The following PIEZO1 variants were observed in gnomAD, a reference collection of about 807,000 sequenced individuals.
PIEZO1 encodes the protein piezo type mechanosensitive ion channel component 1 (Er blood group), also known as piezo-type mechanosensitive ion channel component 1.
In PIEZO1, 296 loss-of-function variants were observed where a neutral mutation model predicts 297.2. The ratio of observed to expected loss-of-function variants is 1.00; its 90% CI spans 0.91 to 1.10. The LOEUF (loss-of-function observed/expected upper bound fraction) is 1.10, where lower values mean the gene tolerates loss of function less well. Among genes scored for constraint, PIEZO1 ranks in the 50% least tolerant of loss-of-function variants. The pLI, the probability that PIEZO1 is intolerant of heterozygous loss-of-function variation, is 0.00. For missense variants in PIEZO1, 5,018 were observed against 3,455.5 expected, an observed-to-expected ratio of 1.45 and a Z score of -11.34; for synonymous variants, 2,427 against 1,507.5, an observed-to-expected ratio of 1.61 and a Z score of -14.13.
chr16:88,756,893 G>A (rs1483210741), intron 1 of PIEZO1, among the ~76,000 whole-genome samples: 5 of 152,022 alleles, frequency 3.3e-5, no homozygotes, highest in Non-Finnish European at 7.4e-5. Context: ...TGGCCAACAT[G>A]GTGAAACCCT....
chr16:88,723,103 G>A lies in PIEZO1; in HGVS notation c.4487C>T (p.Ala1496Val), dbSNP rs371018701. The A allele has an allele frequency of 7.8e-6, 12 of 1,548,096 alleles. No homozygotes were observed. The Admixed American group carries it at 7.8e-5, about 10-fold the overall frequency. The change falls in exon 33 of 51, where the codon GCA becomes GTA. Residue 1496 changes from alanine (A) to valine (V), a missense_variant. Coordinates refer to ENST00000301015, the MANE Select transcript of PIEZO1 (RefSeq NM_001142864.4). ...GCCCCGGGCCCACGTACCTGCCGCTGCCTCCTCGGGGCCCTCTGCTGGCTC... is the reference window on the plus strand; with the variant it reads ...GCCCCGGGCCCACGTACCTGCCGCTACCTCCTCGGGGCCCTCTGCTGGCTC... ...EVEPAEGPEE[A>V]AAGRSHVVQR...
At chr16:88,732,036 CAG>C in intron 21 of PIEZO1, 126 bp from the exon 22 acceptor site, 1 of 71,004 alleles carries the variant, frequency 1.4e-5, no homozygotes, top group Non-Finnish European at 2.6e-5. Context: ...CAAGCAAGGA[CAG>C]GGCCAGCGGC....
intron 49 of PIEZO1, 38 bp from the exon 50 acceptor site, chr16:88,716,157 A>C: frequency 6.6e-7 from 1 of 1,521,788 alleles, no homozygotes; most frequent in Non-Finnish European, 8.9e-7. Context: ...GCCGCAGGTC[A>C]CCCCTCTCTA....
chr16:88,736,235 A>C lies in PIEZO1; in HGVS notation c.1470T>G (p.Pro490=). ...CGGGGCCCAGGGTGGTGGGCAGCTC[A>C]GGGCGCAGGTCCATGGCCCACACGT... ...LRYVWAMDLR[P]ELPTTLGPVS... Residue 490 remains proline (P), a synonymous_variant, in exon 12 of 51, where the codon CCT becomes CCG. Transcript: ENST00000301015. 1 of 1,550,014 alleles carries C rather than the reference A, an allele frequency of 6.5e-7. No homozygotes were observed. The highest frequency in any genetic ancestry group is 2.4e-5 in the East Asian group (1 of 40,916).
At chr16:88,728,243 C>T (rs1904594354) in intron 22 of PIEZO1, among the ~76,000 whole-genome samples, 1 of 152,382 alleles carries the variant, frequency 6.6e-6, no homozygotes, top group African/African-American at 2.4e-5. Flanking sequence ...GGAGCCGTGG[C>T]ACTGCCGGCC....
intron 1 of PIEZO1, among the ~76,000 whole-genome samples, chr16:88,759,431 T>G (rs1476165903): frequency 1.3e-5 from 2 of 152,030 alleles, no homozygotes; most frequent in Non-Finnish European, 2.9e-5. Flanking sequence ...CCAGCTGCCC[T>G]CCCCCTGGCC....
intron 45 of PIEZO1, 58 bp from the exon 46 acceptor site, chr16:88,716,956 G>T (rs552817792): frequency 6.5e-7 from 1 of 1,545,524 alleles, no homozygotes; most frequent in East Asian, 2.4e-5. Context: ...GCGGCTGGGG[G>T]TGGTGCACCA....
intron 2 of PIEZO1, among the ~76,000 whole-genome samples, chr16:88,747,160 G>C (rs1906103931): frequency 6.6e-6 from 1 of 152,136 alleles, no homozygotes; most frequent in African/African-American, 2.4e-5. Context: ...GAGCCCAGGA[G>C]GTGGAGGCTG....
At position 88,763,293 on chromosome 16, in the gene PIEZO1, G is replaced by A. The variant is rs142097675; in HGVS notation, c.65-13814C>T. On this transcript the variant is annotated intron_variant, in intron 1 of 50. Coordinates refer to ENST00000301015, the MANE Select transcript of PIEZO1 (RefSeq NM_001142864.4). The stretch of plus-strand genomic sequence containing the variant: ...TGAGCAGCTCCTGTGTGAACAGGGC[G>A]GCCCAAGGCAGAAGCTGGAGGTGAG... Among the ~76,000 whole-genome samples, 98 of 152,324 alleles carry A rather than the reference G, an allele frequency of 6.4e-4. 1 individual carries two copies. The East Asian group carries it at 0.013, about 20-fold the overall frequency.
intron 1 of PIEZO1, among the ~76,000 whole-genome samples, chr16:88,761,960 C>T (rs998711195): frequency 1.1e-4 from 17 of 152,214 alleles, no homozygotes; most frequent in Non-Finnish European, 1.9e-4. Flanking sequence ...TGACTCTCTG[C>T]GCAGGTGGGT....
At chr16:88,726,687 G>C (rs558042926) in intron 25 of PIEZO1, 28 bp downstream of exon 25, 4 of 1,511,104 alleles carry the variant, frequency 2.6e-6, no homozygotes, top group African/African-American at 2.9e-5. Context: ...GCCCCAGGGC[G>C]GTGGGTGCGG....
chr16:88,780,099 C>G (rs1245855448), intron 1 of PIEZO1, among the ~76,000 whole-genome samples: 1 of 152,206 alleles, frequency 6.6e-6, no homozygotes, highest in African/African-American at 2.4e-5. Flanking sequence ...CACGAGCCGC[C>G]ACCAGGTCGG....
At chr16:88,737,381 T>G (rs898801143) in intron 10 of PIEZO1, 178 bp downstream of exon 10, 5 of 569,570 alleles carry the variant, frequency 8.8e-6, no homozygotes, top group Admixed American at 3.2e-5. Context: ...GCCACTCGGC[T>G]GCCCTGGGGG....
Position 88,722,579 on chromosome 16 carries a change from C to T in PIEZO1, c.4775+4G>A. On this transcript the variant is annotated splice_donor_region_variant and intron_variant, in intron 35 of 50. Transcript: ENST00000301015. ...GCTGGGGCTCGGGTCACCCCCGCAC[C>T]TACCTGGACACGGTGCTTGGGGCAT... The T allele has an allele frequency of 2.0e-6, 3 of 1,524,862 alleles. No individual in the cohort carries two copies. Among genetic ancestry groups the T allele is most frequent in the East Asian group, 2.5e-5 (1 of 40,564 alleles). The allele number at this position is 1,524,862 out of a possible 1,614,324, so 94.5% of individuals were successfully genotyped here.
chr16:88,733,110 G>A (rs1299895133), intron 19 of PIEZO1, 168 bp downstream of exon 19: 5 of 645,886 alleles, frequency 7.7e-6, no homozygotes, highest in Non-Finnish European at 1.3e-5. Context: ...GTCCACAGTT[G>A]AGGTCGAAGG....
rs1269893020 is a variant in PIEZO1 at position 88,719,958 on chromosome 16, A to T, written c.6167T>A (p.Met2056Lys). The change falls in exon 43 of 51, where the codon ATG becomes AAG. Residue 2056 changes from methionine to lysine, a missense_variant and splice_region_variant. Met to Lys is a moderately conservative substitution (Grantham distance 95). Coordinates refer to ENST00000301015, the MANE Select transcript of PIEZO1 (RefSeq NM_001142864.4). ...CTGGGCCACCACATTCTGGTTGAAC[A>T]TCCTGGGGCGGGATGGCCAGGTCAA... Reference protein sequence around the residue: ...FFILPAVTERMFNQNVVAQLW... With the variant: ...FFILPAVTERKFNQNVVAQLW... 6.5e-7 allele frequency: 1 copy of T among 1,550,184 alleles called. No homozygotes were observed.
In PIEZO1 at chr16:88,716,901, G is replaced by A. The variant is rs751918222; in HGVS notation, c.6661-3C>T. 2 of 1,549,648 alleles carry A rather than the reference G, an allele frequency of 1.3e-6. No individual in the cohort carries two copies. Among genetic ancestry groups the A allele is most frequent in the South Asian group, 1.2e-5 (1 of 84,054 alleles). On this transcript the variant is annotated splice_region_variant and splice_polypyrimidine_tract_variant and intron_variant, in intron 45 of 50. Coordinates refer to ENST00000301015, the MANE Select transcript of PIEZO1 (RefSeq NM_001142864.4). ...TGGGCGCTCATGGTGAACAGCGGCT[G>A]GGGCAGGCACGGGGACACGGGGCCA...
chr16:88,777,584 G>A (rs1055498639), intron 1 of PIEZO1, among the ~76,000 whole-genome samples: 1 of 152,270 alleles, frequency 6.6e-6, no homozygotes, highest in Non-Finnish European at 1.5e-5. Context: ...CAGGGGCAGT[G>A]GGATGGACGA....
In PIEZO1 at chr16:88,784,914, G is replaced by A; in HGVS notation, c.51C>T (p.Cys17=). 2.1e-6 allele frequency: 3 copies of A among 1,434,366 alleles called. No individual in the cohort carries two copies. Among genetic ancestry groups the A allele is most frequent in the Admixed American group, 2.4e-5 (1 of 41,370 alleles). The allele number at this position is 1,434,366 out of a possible 1,614,324, so 88.9% of individuals were successfully genotyped here. ...GAVLYWLLLP[C]ALLAACLLRF... is the part of the protein sequence containing the mutation. ...CCCCCCACTCACCAGCCAGCAGCGC[G>A]CAGGGCAGCAGCAGCCAGTACAGGA... Residue 17 remains cysteine (C), a synonymous_variant, in exon 1 of 51, where the codon TGC becomes TGT. Coordinates refer to ENST00000301015, the MANE Select transcript of PIEZO1 (RefSeq NM_001142864.4).
Sources: allele counts gnomAD v4.1 joint callset (sites outside exome capture counted in the v4.1 genomes callset), GRCh38; gene constraint gnomAD v4.1.1; transcripts MANE v1.5; gene names NCBI Gene and HGNC (gene_info 2026-07-23, HGNC 2026-07-21).